THSD4: variants seen among roughly 807,000 people sequenced by gnomAD.
The protein encoded by THSD4 is thrombospondin type 1 domain containing 4.
THSD4 carries 69 observed loss-of-function variants against 119.0 expected under a neutral mutation model. The observed-to-expected ratio is 0.58, with a 90% confidence interval of 0.48 to 0.71. The LOEUF (loss-of-function observed/expected upper bound fraction) is 0.71, where lower values mean the gene tolerates loss of function less well. THSD4 is among the 30% of genes least tolerant of loss of function. The probability of loss-of-function intolerance (pLI) is 0.00; values close to 1 mark genes in which losing one functional copy is unlikely to be tolerated. For synonymous variants in THSD4, 524 were observed against 540.4 expected (o/e 0.97, Z 0.42); for missense variants, 1,393 against 1,391.1 (o/e 1.00, Z -0.02).
intron 3 of THSD4, among the ~76,000 whole-genome samples, chr15:71,190,407 C>T (rs2043661159): frequency 6.6e-6 from 1 of 152,186 alleles, no homozygotes; most frequent in Non-Finnish European, 1.5e-5. Context: ...ATTGGGCTCC[C>T]TTCCATGTCT....
chr15:71,558,170 A>T (rs974946351), intron 7 of THSD4, among the ~76,000 whole-genome samples: 1 of 152,168 alleles, frequency 6.6e-6, no homozygotes, highest in African/African-American at 2.4e-5. Context: ...TCTACTAAAA[A>T]TACAAAAATT....
chr15:71,325,368 A>G (rs140689679), intron 6 of THSD4, among the ~76,000 whole-genome samples: 16 of 152,260 alleles, frequency 1.1e-4, no homozygotes, highest in Admixed American at 1.0e-3. Flanking sequence ...GTCTCTGAGT[A>G]CTTACCCAGT....
At chr15:71,460,708 C>T (rs1036372168) in intron 7 of THSD4, among the ~76,000 whole-genome samples, 11 of 152,170 alleles carry the variant, frequency 7.2e-5, no homozygotes, top group Admixed American at 2.6e-4. Context: ...CAATTATGAA[C>T]ATTACCTGTT....
chr15:71,654,324 G>A (rs1361260366), intron 7 of THSD4, among the ~76,000 whole-genome samples: 1 of 152,134 alleles, frequency 6.6e-6, no homozygotes. Flanking sequence ...GAACTATATC[G>A]AAGGTCAGTT....
chr15:71,205,935 A>G (rs1037451372), intron 3 of THSD4, among the ~76,000 whole-genome samples: 1 of 146,844 alleles, frequency 6.8e-6, no homozygotes, highest in African/African-American at 2.5e-5. Flanking sequence ...GGACAATGGC[A>G]CAATCTCAGC....
At chr15:71,139,883 G>T (rs928264856) in intron 1 of THSD4, among the ~76,000 whole-genome samples, 4 of 152,226 alleles carry the variant, frequency 2.6e-5, no homozygotes, top group Admixed American at 2.0e-4. Flanking sequence ...TCCCTTCAAG[G>T]AGTTGCAGCA....
intron 6 of THSD4, among the ~76,000 whole-genome samples, chr15:71,310,078 C>A (rs146488164): frequency 2.6e-5 from 4 of 152,302 alleles, no homozygotes; most frequent in Admixed American, 6.5e-5. Flanking sequence ...TTGGATAATG[C>A]TAGTATTAGG....
chr15:71,760,010 A>G (rs1188034959), intron 15 of THSD4, among the ~76,000 whole-genome samples: 1 of 152,212 alleles, frequency 6.6e-6, no homozygotes. Context: ...CCCAAAGAAA[A>G]TGAAATAAGA....
Position 71,165,250 on chromosome 15 carries a change from G to C in THSD4, c.99+10318G>C, listed in dbSNP as rs28660985. Reference sequence around the variant, plus strand: ...TTGCCATATCTTGAAATTTTCCTTTGTCTTTAGCAGAAATGGTCTTCCACC... The same window carrying C: ...TTGCCATATCTTGAAATTTTCCTTTCTCTTTAGCAGAAATGGTCTTCCACC... On this transcript the variant is annotated intron_variant, in intron 3 of 17. Transcript: ENST00000261862. The C allele has an allele frequency of 4.5e-6, 7 of 1,562,784 alleles. No homozygotes were observed. The Admixed American group carries it at 1.2e-4, about 26-fold the overall frequency.
At chr15:71,561,915 C>G (rs1195975684) in intron 7 of THSD4, among the ~76,000 whole-genome samples, 1 of 38,390 alleles carries the variant, frequency 2.6e-5, no homozygotes, top group Non-Finnish European at 5.4e-5. Context: ...CACACACACA[C>G]ACACAAACAC....
At chr15:71,686,653 T>C (rs1237604374) in intron 8 of THSD4, among the ~76,000 whole-genome samples, 1 of 152,122 alleles carries the variant, frequency 6.6e-6, no homozygotes, top group Non-Finnish European at 1.5e-5. Flanking sequence ...AGACCCATTC[T>C]TGGGGGAAGG....
At chr15:71,511,413 A>C (rs984085808) in intron 7 of THSD4, among the ~76,000 whole-genome samples, 27 of 152,226 alleles carry the variant, frequency 1.8e-4, no homozygotes, top group Non-Finnish European at 5.9e-5. Flanking sequence ...TTCAAAGGCC[A>C]AGGTGTTCAC....
At chr15:71,714,256 G>T (rs764177806) in intron 8 of THSD4, among the ~76,000 whole-genome samples, 3 of 152,096 alleles carry the variant, frequency 2.0e-5, no homozygotes. Flanking sequence ...AAAGATGTGC[G>T]GTGGGTGTTG....
chr15:71,523,072 G>A lies in THSD4; in HGVS notation c.1152+111249G>A, dbSNP rs2048466094. 2.0e-5 allele frequency among the ~76,000 whole-genome samples: 3 copies of A among 152,178 alleles called. No homozygotes were observed. The South Asian group carries it at 6.2e-4, about 31-fold the overall frequency. ...TTGGAGTAAGTCAGTGTTAGCTCGTGTTGCTTCATTTTTAGAGATGAGTAA... is the reference window on the plus strand; with the variant it reads ...TTGGAGTAAGTCAGTGTTAGCTCGTATTGCTTCATTTTTAGAGATGAGTAA... On this transcript the variant is annotated intron_variant, in intron 7 of 17. Coordinates refer to ENST00000261862, the MANE Select transcript of THSD4 (RefSeq NM_024817.3).
intron 17 of THSD4, among the ~76,000 whole-genome samples, chr15:71,773,295 ACAAT>A (rs1262528881): frequency 6.6e-6 from 1 of 152,164 alleles, no homozygotes; most frequent in Non-Finnish European, 1.5e-5. Flanking sequence ...ATAACTAAAG[ACAAT>A]CAAAATCACC....
At chr15:71,296,069 G>C (rs2044858939) in intron 6 of THSD4, among the ~76,000 whole-genome samples, 1 of 152,166 alleles carries the variant, frequency 6.6e-6, no homozygotes, top group Non-Finnish European at 1.5e-5. Context: ...TCAGTTGATG[G>C]ATATTTGATC....
At position 71,469,621 on chromosome 15, in the gene THSD4, C is replaced by T. The variant is rs541717316; in HGVS notation, c.1152+57798C>T. Among the ~76,000 whole-genome samples the T allele has an allele frequency of 2.0e-4, 30 of 152,258 alleles. 1 individual carries two copies. In the South Asian group the frequency reaches 5.8e-3, roughly 30 times the overall value. Reference sequence around the variant, plus strand: ...CAGCACCCACATGAATACATTTAGCCGGATATGTGTTCAACTTAGGCTCAA... The same window carrying T: ...CAGCACCCACATGAATACATTTAGCTGGATATGTGTTCAACTTAGGCTCAA... On this transcript the variant is annotated intron_variant, in intron 7 of 17. Transcript: ENST00000261862.
intron 2 of THSD4, among the ~76,000 whole-genome samples, chr15:71,153,996 A>G (rs1004010487): frequency 6.6e-6 from 1 of 152,094 alleles, no homozygotes; most frequent in Non-Finnish European, 1.5e-5. Flanking sequence ...TTTTCCTCTG[A>G]CTCAGAGGAG....
intron 1 of THSD4, among the ~76,000 whole-genome samples, chr15:71,099,514 T>C (rs1410977963): frequency 1.3e-5 from 2 of 152,220 alleles, no homozygotes; most frequent in South Asian, 4.1e-4. Context: ...TTGATTATTA[T>C]GCAATGTGTC....
Sources: gnomAD v4.1 joint callset for allele counts (sites outside exome capture counted in the v4.1 genomes callset) on GRCh38, gnomAD v4.1.1 for gene constraint, MANE v1.5 for transcripts, NCBI Gene and HGNC (gene_info 2026-07-23, HGNC 2026-07-21) for gene names.